The following ODAD2 variants were observed in gnomAD, a reference collection of about 807,000 sequenced individuals.
ODAD2 encodes the protein outer dynein arm docking complex subunit 2.
In ODAD2, 89 loss-of-function variants were observed where a neutral mutation model predicts 106.8. The observed-to-expected ratio is 0.83, with a 90% CI of 0.70 to 0.99. The LOEUF (loss-of-function observed/expected upper bound fraction) is 0.99. Ranked by LOEUF, ODAD2 falls within the 50% of genes least tolerant of loss-of-function variation. ODAD2 has a pLI of 0.00. For missense variants in ODAD2, 1,168 were observed against 1,238.5 expected (o/e 0.94, Z 0.85); for synonymous variants, 404 against 436.2 (o/e 0.93, Z 0.92).
At chr10:27,841,795 T>C (rs918179347) in intron 19 of ODAD2, among the ~76,000 whole-genome samples, 1 of 151,538 alleles carries the variant, frequency 6.6e-6, no homozygotes, top group South Asian at 2.1e-4. Context: ...TGCTCTGTCA[T>C]TCAGGCTGGA....
At chr10:27,836,872 G>A (rs1837932271) in intron 19 of ODAD2, among the ~76,000 whole-genome samples, 1 of 152,116 alleles carries the variant, frequency 6.6e-6, no homozygotes, top group African/African-American at 2.4e-5. Flanking sequence ...TTGAAACACA[G>A]AGGACTTATT....
chr10:27,939,876 C>T lies in ODAD2; in HGVS notation c.2097+21G>A, dbSNP rs183078977. ...CTATGTGAGAAAGAACGCCAACAAC[C>T]GCTGGGAGAGTTCACTGCACCTGGT... On this transcript the variant is annotated intron_variant, in intron 14 of 19. Transcript: ENST00000305242. 158 of 1,505,708 alleles carry T rather than the reference C, an allele frequency of 1.0e-4. 2 individuals carry two copies. The highest frequency in any genetic ancestry group is 7.7e-4 in the South Asian group (63 of 82,104). The allele number at this position is 1,505,708 out of a possible 1,614,324, so 93.3% of individuals were successfully genotyped here. A position where few individuals can be genotyped will look rare whatever the true frequency, so the allele number is the denominator to read the frequency against.
chr10:27,913,796 T>A lies in ODAD2; in HGVS notation c.2496-6019A>T, dbSNP rs140623111. On this transcript the variant is annotated intron_variant, in intron 16 of 19. Coordinates refer to ENST00000305242, the MANE Select transcript of ODAD2 (RefSeq NM_018076.5). ...AACCACAAGAAGATACTATCTCACA[T>A]GAGTCGGAATGGCTATTATGAAAAA... 9.7e-3 allele frequency among the ~76,000 whole-genome samples: 1,482 copies of A among 152,178 alleles called. 11 individuals carry two copies. Among genetic ancestry groups the A allele is most frequent in the Admixed American group, 0.02 (308 of 15,272 alleles).
intron 19 of ODAD2, among the ~76,000 whole-genome samples, chr10:27,814,635 T>TCTCATCATGATCTC (rs1283064055): frequency 6.6e-6 from 1 of 152,206 alleles, no homozygotes; most frequent in African/African-American, 2.4e-5. Context: ...ACTTGTTTGT[T>TCTCATCATGATCTC]CTCATCATGA....
At chr10:27,873,928 G>A (rs1310365507) in intron 17 of ODAD2, among the ~76,000 whole-genome samples, 13 of 152,058 alleles carry the variant, frequency 8.5e-5, no homozygotes, top group South Asian at 2.1e-4. Flanking sequence ...TTTCTGTCTC[G>A]TTGATCCGTC....
intron 9 of ODAD2, among the ~76,000 whole-genome samples, chr10:27,963,899 C>T (rs57814665): frequency 0.015 from 2,314 of 152,216 alleles, 43 homozygotes; most frequent in African/African-American, 0.044. Flanking sequence ...ATGAGGTTGT[C>T]ATTACTCTCA....
At chr10:27,822,304 G>A (rs1836675466) in intron 19 of ODAD2, among the ~76,000 whole-genome samples, 1 of 152,200 alleles carries the variant, frequency 6.6e-6, no homozygotes. Flanking sequence ...AGATTTTCTT[G>A]TGGTTTGACT....
At chr10:27,820,774 C>A (rs1003810988) in intron 19 of ODAD2, among the ~76,000 whole-genome samples, 1 of 135,414 alleles carries the variant, frequency 7.4e-6, no homozygotes, top group Non-Finnish European at 1.5e-5. Context: ...TGAAGCCCAG[C>A]AACTTTTTTT....
chr10:27,959,676 A>C (rs1204441808), intron 10 of ODAD2, among the ~76,000 whole-genome samples: 3 of 152,288 alleles, frequency 2.0e-5, no homozygotes, highest in Admixed American at 2.0e-4. Context: ...ATATGCAATC[A>C]AAATTCCTAG....
Position 27,928,552 on chromosome 10 carries a change from C to G in ODAD2, c.2495+6458G>C, listed in dbSNP as rs536392232. On this transcript the variant is annotated intron_variant, in intron 16 of 19. Coordinates refer to ENST00000305242, the MANE Select transcript of ODAD2 (RefSeq NM_018076.5). ...AATTATCTATTGCCTGTTCACTTAT[C>G]TATGACATGCCCTCAAACCTCCTTT... Among the ~76,000 whole-genome samples the G allele has an allele frequency of 4.0e-4, 61 of 152,206 alleles. No individual in the cohort carries two copies. In the South Asian group the frequency reaches 5.6e-3, roughly 14 times the overall value.
intron 16 of ODAD2, among the ~76,000 whole-genome samples, chr10:27,911,540 G>A (rs1018489382): frequency 1.6e-4 from 24 of 152,136 alleles, no homozygotes; most frequent in South Asian, 2.1e-4. Context: ...AGATGTGAGC[G>A]TGGAGTTTCA....
At position 27,970,970 on chromosome 10, in the gene ODAD2, TTAAATAAA is replaced by T. The variant is rs59193868; in HGVS notation, c.1142+130_1142+137del. On this transcript the variant is annotated intron_variant, in intron 8 of 19. Transcript: ENST00000305242. ...CTGGGCAACAGAGCAAGACTCCATCTTAAATAAATAAATAAATAAATAAATAAATAAAT... is the reference window on the plus strand; with the variant it reads ...CTGGGCAACAGAGCAAGACTCCATCTTAAATAAATAAATAAATAAATAAAT... The T allele has an allele frequency of 9.4e-3, 2,889 of 306,116 alleles. 126 individuals carry two copies. Among genetic ancestry groups the T allele is most frequent in the Admixed American group, 0.038 (653 of 17,282 alleles). 19.0% of individuals were successfully genotyped at this position (306,116 alleles called of 1,614,324 possible). A position where few individuals can be genotyped will look rare whatever the true frequency, so the allele number is the denominator to read the frequency against.
chr10:27,957,772 G>A (rs1444475322), intron 10 of ODAD2, among the ~76,000 whole-genome samples: 2 of 152,142 alleles, frequency 1.3e-5, no homozygotes, highest in Non-Finnish European at 2.9e-5. Flanking sequence ...CAAGATATGA[G>A]CTCATAGCTC....
chr10:27,914,700 G>A (rs968942434), intron 16 of ODAD2, among the ~76,000 whole-genome samples: 3 of 151,784 alleles, frequency 2.0e-5, no homozygotes, highest in Non-Finnish European at 4.4e-5. Flanking sequence ...ATATATATAT[G>A]TGTGTGTATA....
chr10:27,989,773 G>A (rs7903751), intron 2 of ODAD2, among the ~76,000 whole-genome samples: 5,858 of 152,220 alleles, frequency 0.038, 205 homozygotes, highest in African/African-American at 0.098. Context: ...ACTTGAGCCC[G>A]GGAGGCGGGA....
intron 17 of ODAD2, among the ~76,000 whole-genome samples, chr10:27,865,339 A>G (rs1223969143): frequency 2.0e-5 from 3 of 152,192 alleles, no homozygotes; most frequent in Non-Finnish European, 2.9e-5. Context: ...AGGGAACACT[A>G]CTTTATGAAT....
intron 11 of ODAD2, 100 bp downstream of exon 11, chr10:27,944,711 AAAGAC>A (rs1814493226): frequency 7.3e-7 from 1 of 1,376,946 alleles, no homozygotes; most frequent in East Asian, 2.3e-5. Flanking sequence ...AATAGCAGAT[AAAGAC>A]AAGAACCAGG....
In ODAD2 at chr10:27,944,927, A is replaced by C; in HGVS notation, c.1422T>G (p.Cys474Trp). Residue 474 changes from cysteine to tryptophan, a missense_variant, in exon 11 of 20, where the codon TGT becomes TGG. By Grantham distance (215) the Cys-to-Trp change is radical. Coordinates refer to ENST00000305242, the MANE Select transcript of ODAD2 (RefSeq NM_018076.5). ...GAGCTAAGCTGAAATCCCTCATTGA[A>C]CACAACGCAATCACTGTAGCTGTTT... ...GNQTATVIAL[C>W]SMRDFSLAQE... The C allele has an allele frequency of 1.2e-6, 2 of 1,614,182 alleles. No homozygotes were observed. Among genetic ancestry groups the C allele is most frequent in the Non-Finnish European group, 1.7e-6 (2 of 1,180,000 alleles).
chr10:27,874,823 A>G (rs1041121347), intron 17 of ODAD2, among the ~76,000 whole-genome samples: 2 of 152,210 alleles, frequency 1.3e-5, no homozygotes, highest in African/African-American at 4.8e-5. Context: ...GAATCTGACA[A>G]TTATGTGTCT....
Sources: gnomAD v4.1 joint callset for allele counts (sites outside exome capture counted in the v4.1 genomes callset) on GRCh38, gnomAD v4.1.1 for gene constraint, MANE v1.5 for transcripts, NCBI Gene and HGNC (gene_info 2026-07-23, HGNC 2026-07-21) for gene names.